ZC3H13: variants seen among roughly 807,000 people sequenced by gnomAD.
ZC3H13 encodes the protein zinc finger CCCH domain-containing protein 13.
A neutral mutation model predicts 204.1 loss-of-function variants in ZC3H13; 64 were observed. The ratio of observed to expected loss-of-function variants is 0.31; its 90% CI spans 0.26 to 0.39. The LOEUF is 0.39. Among genes scored for constraint, ZC3H13 ranks in the 10% least tolerant of loss-of-function variants. The pLI is 1.00. For synonymous variants in ZC3H13, 667 were observed against 693.7 expected (o/e 0.96, Z 0.60); for missense variants, 1,833 against 2,082.7 (o/e 0.88, Z 2.33).
At chr13:45,966,660 G>T (rs1257471749) in intron 15 of ZC3H13, among the ~76,000 whole-genome samples, 2 of 152,084 alleles carry the variant, frequency 1.3e-5, no homozygotes, top group East Asian at 3.8e-4. Context: ...TCCCAGGGTT[G>T]TACCTCCATC....
Position 45,975,450 on chromosome 13 carries a change from C to T in ZC3H13, c.2301G>A (p.Glu767=), listed in dbSNP as rs767927208. The T allele has an allele frequency of 3.7e-6, 6 of 1,613,286 alleles. No homozygotes were observed. The Admixed American group carries it at 1.0e-4, about 27-fold the overall frequency. The change falls in exon 12 of 19, where the codon GAG becomes GAA. Residue 767 remains glutamate (E), a synonymous_variant. Coordinates refer to ENST00000679008, the MANE Select transcript of ZC3H13 (RefSeq NM_001330564.2). The part of the protein sequence containing the change: ...ERERERERER[E]RERERERERA... Reference sequence around the variant, plus strand: ...TTTCTCGTTCCCGTTCTCGCTCTCGCTCTCTCTCCCGTTCTCGCTCTCTCT... The same window carrying T: ...TTTCTCGTTCCCGTTCTCGCTCTCGTTCTCTCTCCCGTTCTCGCTCTCTCT...
chr13:45,995,214 T>G (rs576272482), intron 8 of ZC3H13, among the ~76,000 whole-genome samples: 2 of 152,316 alleles, frequency 1.3e-5, no homozygotes, highest in African/African-American at 4.8e-5. Flanking sequence ...CAGCTGCTAC[T>G]AAAAACCTCT....
At chr13:46,045,350 A>AT in intron 2 of ZC3H13, 41 bp downstream of exon 2, 2 of 1,499,208 alleles carry the variant, frequency 1.3e-6, no homozygotes, top group Non-Finnish European at 9.3e-7. Flanking sequence ...CAATAATAGA[A>AT]TTCTAAGAGA....
chr13:45,999,292 C>CA lies in ZC3H13; in HGVS notation c.944+3846dup, dbSNP rs2040572292. ...GCCTGGGTTACAGTGAGAAGAAAAA[C>CA]AAAAAACAGCACACACATACACAAA... On this transcript the variant is annotated intron_variant, in intron 8 of 18. Coordinates refer to ENST00000679008, the MANE Select transcript of ZC3H13 (RefSeq NM_001330564.2). Among the ~76,000 whole-genome samples, 3 of 152,196 alleles carry CA rather than the reference C, an allele frequency of 2.0e-5. No individual in the cohort carries two copies. The South Asian group carries it at 6.2e-4, about 32-fold the overall frequency.
At chr13:45,975,931 G>T in intron 11 of ZC3H13, 93 bp from the exon 12 acceptor site, 1 of 1,468,896 alleles carries the variant, frequency 6.8e-7, no homozygotes, top group African/African-American at 1.4e-5. Flanking sequence ...TCTGTGATAG[G>T]GTCACACTGG....
intron 8 of ZC3H13, among the ~76,000 whole-genome samples, chr13:45,997,836 AC>A (rs1458210298): frequency 6.6e-6 from 1 of 152,084 alleles, no homozygotes; most frequent in African/African-American, 2.4e-5. Flanking sequence ...GGAAAAAAAA[AC>A]AAACCCAAAG....
At chr13:45,996,475 A>G (rs1319262604) in intron 8 of ZC3H13, among the ~76,000 whole-genome samples, 2 of 152,210 alleles carry the variant, frequency 1.3e-5, no homozygotes, top group Non-Finnish European at 1.5e-5. Flanking sequence ...CCACAGTCCA[A>G]ATATACTAAT....
In ZC3H13 at chr13:45,983,401, T is replaced by TATATATATATATATA. The variant is rs1953842302; in HGVS notation, c.1720+1895_1720+1896insTATATATATATATAT. ...TGAAACAAAGCAAAGCCCCTTCTAC[T>TATATATATATATATA]TATATATATATATTTTTTTTTTTTT... On this transcript the variant is annotated intron_variant, in intron 10 of 18. Transcript: ENST00000679008. Among the ~76,000 whole-genome samples the TATATATATATATATA allele has an allele frequency of 8.5e-5, 3 of 35,488 alleles. 1 individual carries two copies. Among genetic ancestry groups the TATATATATATATATA allele is most frequent in the African/African-American group, 5.4e-4 (3 of 5,592 alleles). 23.3% of individuals were successfully genotyped at this position (35,488 alleles called of 152,430 possible).
At chr13:45,966,668 A>G (rs1952114324) in intron 15 of ZC3H13, among the ~76,000 whole-genome samples, 1 of 152,210 alleles carries the variant, frequency 6.6e-6, no homozygotes, top group African/African-American at 2.4e-5. Context: ...TTGTACCTCC[A>G]TCAGAACCAT....
chr13:46,034,377 A>G lies in ZC3H13; in HGVS notation c.339+7787T>C, dbSNP rs532179061. Among the ~76,000 whole-genome samples, 11 of 152,362 alleles carry G rather than the reference A, an allele frequency of 7.2e-5. No homozygotes were observed. In the East Asian group the frequency reaches 2.1e-3, roughly 29 times the overall value. ...TTCTTAATAGGTGAAAACTAGAAAC[A>G]ACTCAAATGTCCATCCACTGGAGAA... On this transcript the variant is annotated intron_variant, in intron 4 of 18. Transcript: ENST00000679008.
chr13:45,955,784 A>G lies in ZC3H13; in HGVS notation c.*1343T>C, dbSNP rs1207216347. The G allele has an allele frequency of 6.6e-6, 1 of 152,188 alleles. No homozygotes were observed. Among genetic ancestry groups the G allele is most frequent in the Non-Finnish European group, 1.5e-5 (1 of 68,002 alleles). 9.4% of individuals were successfully genotyped at this position (152,188 alleles called of 1,614,324 possible). ...TTATACATGCTTTCAAAGTCATTTGAAAGTAAGACCATTTCCTTTGGCAGG... is the reference window on the plus strand; with the variant it reads ...TTATACATGCTTTCAAAGTCATTTGGAAGTAAGACCATTTCCTTTGGCAGG... On this transcript the variant is annotated 3_prime_UTR_variant, in exon 19 of 19. Transcript: ENST00000679008.
intron 5 of ZC3H13, among the ~76,000 whole-genome samples, chr13:46,020,221 G>GA (rs1285704300): frequency 6.6e-6 from 1 of 152,044 alleles, no homozygotes; most frequent in African/African-American, 2.4e-5. Flanking sequence ...GTTCTAGAGG[G>GA]AAAACTAGGA....
intron 4 of ZC3H13, among the ~76,000 whole-genome samples, chr13:46,036,917 C>T (rs765291349): frequency 6.6e-5 from 10 of 151,976 alleles, no homozygotes; most frequent in Non-Finnish European, 1.2e-4. Context: ...CGGGGTTTTG[C>T]TATGTTGGCC....
intron 18 of ZC3H13, among the ~76,000 whole-genome samples, chr13:45,957,811 T>C (rs766691990): frequency 1.3e-5 from 2 of 152,164 alleles, no homozygotes; most frequent in Non-Finnish European, 2.9e-5. Flanking sequence ...AATCTTTCAA[T>C]GTCCCATAAA....
At chr13:45,957,629 G>T (rs1278980475) in intron 18 of ZC3H13, among the ~76,000 whole-genome samples, 2 of 152,176 alleles carry the variant, frequency 1.3e-5, no homozygotes, top group African/African-American at 4.8e-5. Flanking sequence ...GTTGTTGAAT[G>T]GCACTATTTC....
intron 5 of ZC3H13, among the ~76,000 whole-genome samples, chr13:46,014,722 G>A (rs1275403965): frequency 2.6e-5 from 4 of 152,086 alleles, no homozygotes; most frequent in African/African-American, 4.8e-5. Flanking sequence ...AGTAAAATAT[G>A]AAATTTCCCT....
intron 11 of ZC3H13, among the ~76,000 whole-genome samples, chr13:45,978,862 T>C (rs1213230578): frequency 6.6e-6 from 1 of 152,068 alleles, no homozygotes; most frequent in African/African-American, 2.4e-5. Flanking sequence ...TCTACACATC[T>C]TTTAACCAAA....
At chr13:46,014,932 G>A (rs1394864502) in intron 5 of ZC3H13, among the ~76,000 whole-genome samples, 3 of 151,856 alleles carry the variant, frequency 2.0e-5, no homozygotes, top group Non-Finnish European at 4.4e-5. Flanking sequence ...ATACTTTATC[G>A]TAGCTTACTT....
intron 1 of ZC3H13, among the ~76,000 whole-genome samples, chr13:46,049,843 A>G (rs185496489): frequency 1.6e-4 from 24 of 152,324 alleles, no homozygotes; most frequent in African/African-American, 5.5e-4. Flanking sequence ...TGTAAATACT[A>G]AAGTCTTTCC....
Sources: gnomAD v4.1 joint callset for allele counts (sites outside exome capture counted in the v4.1 genomes callset) on GRCh38, gnomAD v4.1.1 for gene constraint, MANE v1.5 for transcripts, NCBI Gene and HGNC (gene_info 2026-07-23, HGNC 2026-07-21) for gene names.